BBOF1: variants seen among roughly 807,000 people sequenced by gnomAD.
The protein encoded by BBOF1 is basal body-orientation factor 1.
A neutral mutation model predicts 68.0 loss-of-function variants in BBOF1; 62 were observed. The ratio of observed to expected loss-of-function variants is 0.91; its 90% CI spans 0.74 to 1.13. The LOEUF (loss-of-function observed/expected upper bound fraction) is 1.13. Among genes scored for constraint, BBOF1 ranks in the 50% most tolerant of loss-of-function variants. The probability of loss-of-function intolerance (pLI) is 0.00; values close to 1 mark genes in which losing one functional copy is unlikely to be tolerated. For missense variants in BBOF1, 534 were observed against 600.1 expected (o/e 0.89, Z 1.15); for synonymous variants, 208 against 198.8 (o/e 1.05, Z -0.39).
intron 9 of BBOF1, among the ~76,000 whole-genome samples, chr14:74,072,788 C>CTG (rs1221006952): frequency 6.6e-6 from 1 of 151,974 alleles, no homozygotes; most frequent in Non-Finnish European, 1.5e-5. Flanking sequence ...CCTATCTATT[C>CTG]TGTGTGTGTG....
rs780515040 is a variant in BBOF1 at position 74,032,118 on chromosome 14, ATTTTTTT to A, written c.352-1891_352-1885del. Among the ~76,000 whole-genome samples, 689 of 99,654 alleles carry A rather than the reference ATTTTTTT, an allele frequency of 6.9e-3. 3 individuals are homozygous for A. The highest frequency in any genetic ancestry group is 0.035 in the Middle Eastern group (5 of 144). 65.4% of individuals were successfully genotyped at this position (99,654 alleles called of 152,430 possible). A position where few individuals can be genotyped will look rare whatever the true frequency, so the allele number is the denominator to read the frequency against. ...CCAACAGAGTCTATTCTCAAAGTTG[ATTTTTTT>A]TTTTTTTTTTTTTTTTTTGAGACAG... On this transcript the variant is annotated intron_variant, in intron 3 of 11. Coordinates refer to ENST00000394009, the MANE Select transcript of BBOF1 (RefSeq NM_025057.3).
chr14:74,069,191 G>A (rs1346496259), downstream of BBOF1: 27 of 424,890 alleles, frequency 6.4e-5, no homozygotes, highest in South Asian at 5.6e-4. Context: ...TGCAACCTCC[G>A]CCTCCCAGGT....
intron 8 of BBOF1, among the ~76,000 whole-genome samples, chr14:74,052,587 G>A (rs1007920815): frequency 2.0e-5 from 3 of 152,016 alleles, no homozygotes; most frequent in African/African-American, 7.3e-5. Flanking sequence ...AGAGGTTGCA[G>A]TGAGCCAAGA....
At chr14:74,067,407 G>A, downstream of BBOF1, 2 of 1,613,760 alleles carry the variant, frequency 1.2e-6, no homozygotes, top group Non-Finnish European at 1.7e-6. Context: ...TTTTTGGCAT[G>A]CTCCACCAGC....
intron 5 of BBOF1, among the ~76,000 whole-genome samples, chr14:74,045,035 A>G (rs1264008471): frequency 6.6e-6 from 1 of 152,070 alleles, no homozygotes; most frequent in Non-Finnish European, 1.5e-5. Context: ...GGCCCGGCCA[A>G]CCTTTCTGTT....
At chr14:74,028,908 A>G (rs948517565) in intron 2 of BBOF1, among the ~76,000 whole-genome samples, 1 of 151,086 alleles carries the variant, frequency 6.6e-6, no homozygotes, top group Non-Finnish European at 1.5e-5. Context: ...GGGTTTCTCC[A>G]TGTTGGTCAG....
intron 5 of BBOF1, among the ~76,000 whole-genome samples, chr14:74,044,291 C>T (rs1185893726): frequency 6.6e-6 from 1 of 151,610 alleles, no homozygotes; most frequent in Non-Finnish European, 1.5e-5. Flanking sequence ...AATAAAACGA[C>T]CTCCTCTAGT....
At chr14:74,038,846 A>G (rs995861328) in intron 4 of BBOF1, among the ~76,000 whole-genome samples, 1 of 152,086 alleles carries the variant, frequency 6.6e-6, no homozygotes, top group Non-Finnish European at 1.5e-5. Flanking sequence ...TCTACAAAAA[A>G]ATCACTTCAC....
At chr14:74,076,809 C>CA (rs1176111931) in intron 9 of BBOF1, among the ~76,000 whole-genome samples, 2 of 152,170 alleles carry the variant, frequency 1.3e-5, no homozygotes, top group African/African-American at 4.8e-5. Flanking sequence ...CTCAGCCTCC[C>CA]AGAGTGCTGG....
At position 74,025,503 on chromosome 14, in the gene BBOF1, A is replaced by T. The variant is rs2059403323; in HGVS notation, c.285+2359A>T. ...TATAGTCATGTTAATTATAGAAATAATAGAAATGAAATGTGTTTTGAAAAC... is the reference window on the plus strand; with the variant it reads ...TATAGTCATGTTAATTATAGAAATATTAGAAATGAAATGTGTTTTGAAAAC... On this transcript the variant is annotated intron_variant, in intron 2 of 11. Transcript: ENST00000394009. Among the ~76,000 whole-genome samples, 3 of 152,230 alleles carry T rather than the reference A, an allele frequency of 2.0e-5. No individual in the cohort carries two copies. In the South Asian group the frequency reaches 6.2e-4, roughly 32 times the overall value.
At chr14:74,028,513 A>C (rs200069245) in intron 2 of BBOF1, among the ~76,000 whole-genome samples, 15 of 72,840 alleles carry the variant, frequency 2.1e-4, no homozygotes, top group African/African-American at 6.9e-4. Context: ...CACACACACA[A>C]ATAGAGGGAA....
chr14:74,026,257 C>G (rs760958289), intron 2 of BBOF1, among the ~76,000 whole-genome samples: 2 of 151,514 alleles, frequency 1.3e-5, no homozygotes, highest in African/African-American at 4.8e-5. Context: ...GCCTGGCCAA[C>G]ATGACGAAAC....
rs746484688 is a variant in BBOF1 at position 74,060,768 on chromosome 14, TTAGCA to T, written c.1578+3513_1578+3517del. The T allele has an allele frequency of 3.3e-6, 5 of 1,518,614 alleles. No individual in the cohort carries two copies. The South Asian group carries it at 5.6e-5, about 17-fold the overall frequency. 94.1% of individuals were successfully genotyped at this position (1,518,614 alleles called of 1,614,324 possible). ...TGCCCTAAGGAAAACAGAAAAAAAG[TTAGCA>T]TATATTTCTGGGGTTTCATGATTCT... On this transcript the variant is annotated intron_variant, in intron 11 of 11. Transcript: ENST00000394009.
intron 3 of BBOF1, 110 bp from the exon 4 acceptor site, chr14:74,033,918 G>A (rs72725911): frequency 0.1 from 55,182 of 552,512 alleles, 3,025 homozygotes; most frequent in South Asian, 0.17. Context: ...AAAAAAGGGG[G>A]GATATTTCTT....
chr14:74,056,250 G>T (rs984398854), intron 9 of BBOF1, among the ~76,000 whole-genome samples: 4 of 148,034 alleles, frequency 2.7e-5, no homozygotes, highest in African/African-American at 1.0e-4. Context: ...GCCCAGGCTG[G>T]AGTGCAGTGA....
chr14:74,040,931 C>T (rs1385678978), intron 5 of BBOF1: 1 of 395,460 alleles, frequency 2.5e-6, no homozygotes, highest in African/African-American at 2.1e-5. Context: ...TATGTGTACT[C>T]CCATTATATA....
rs187796044 is a variant in BBOF1 at position 74,030,077 on chromosome 14, A to G, written c.351+828A>G. On this transcript the variant is annotated intron_variant, in intron 3 of 11. Coordinates refer to ENST00000394009, the MANE Select transcript of BBOF1 (RefSeq NM_025057.3). ...GGGGGGCATTTTTCTCCCTTAGGAT[A>G]TATACCAGTAAGGATCTATGATAAA... Among the ~76,000 whole-genome samples the G allele has an allele frequency of 1.3e-3, 197 of 152,338 alleles. 1 individual carries two copies. The highest frequency in any genetic ancestry group is 4.5e-3 in the African/African-American group (187 of 41,576).
Position 74,024,418 on chromosome 14 carries a change from G to A in BBOF1, c.285+1274G>A, listed in dbSNP as rs79250763. Among the ~76,000 whole-genome samples the A allele has an allele frequency of 4.6e-5, 7 of 152,142 alleles. No homozygotes were observed. The East Asian group carries it at 9.7e-4, about 21-fold the overall frequency. On this transcript the variant is annotated intron_variant, in intron 2 of 11. Coordinates refer to ENST00000394009, the MANE Select transcript of BBOF1 (RefSeq NM_025057.3). ...CTGCAGTGAGCCATGGTCATGTCAC[G>A]GCAGTCCAACCTGGACATCAGAGCA...
Position 74,050,058 on chromosome 14 carries a change from G to C in BBOF1, c.1149G>C (p.Gln383His). The C allele has an allele frequency of 6.2e-7, 1 of 1,614,092 alleles. No homozygotes were observed. Among genetic ancestry groups the C allele is most frequent in the Non-Finnish European group, 8.5e-7 (1 of 1,180,002 alleles). Residue 383 changes from glutamine to histidine, a missense_variant, in exon 8 of 12, where the codon CAG (glutamine) becomes CAC (histidine). Transcript: ENST00000394009. Reference protein sequence around the residue: ...QILISRKHYKQIAQAAFNLKM... With the variant: ...QILISRKHYKHIAQAAFNLKM... The stretch of plus-strand genomic sequence containing the variant: ...TAATTAGCAGGAAGCATTATAAGCA[G>C]ATAGCACAAGCTGCTTTCAATTTAA...
Sources: allele counts gnomAD v4.1 joint callset (sites outside exome capture counted in the v4.1 genomes callset), GRCh38; gene constraint gnomAD v4.1.1; transcripts MANE v1.5; gene names NCBI Gene and HGNC (gene_info 2026-07-23, HGNC 2026-07-21).